The following MAGI1 variants were observed in gnomAD, a reference collection of about 807,000 sequenced individuals.
The protein encoded by MAGI1 is membrane-associated guanylate kinase, WW and PDZ domain-containing protein 1.
Under a neutral mutation model 139.9 loss-of-function variants are expected in MAGI1, and 58 were observed. The observed-to-expected ratio is 0.41, with a 90% CI of 0.34 to 0.52. The LOEUF (loss-of-function observed/expected upper bound fraction) is 0.52, where lower values mean the gene tolerates loss of function less well. Ranked by LOEUF, MAGI1 falls within the 20% of genes least tolerant of loss-of-function variation. The pLI is 0.12. For missense variants in MAGI1, 1,874 were observed against 1,901.6 expected (o/e 0.99, Z 0.27); for synonymous variants, 812 against 737.9 (o/e 1.10, Z -1.63).
rs556692467 is a variant in MAGI1 at position 65,359,979 on chromosome 3, C to T, written c.3634+1220G>A. 8.7e-5 allele frequency: 86 copies of T among 985,256 alleles called. 1 individual carries two copies. The South Asian group carries it at 3.2e-3, about 37-fold the overall frequency. The allele number at this position is 985,256 out of a possible 1,614,324, so 61.0% of individuals were successfully genotyped here. A position where few individuals can be genotyped will look rare whatever the true frequency, so the allele number is the denominator to read the frequency against. ...AGAAGTTCAGTACAGTGCACAGCCA[C>T]GGCATCTTAATGTTGTCAAAATACT... On this transcript the variant is annotated intron_variant, in intron 22 of 22. Coordinates refer to ENST00000402939, the MANE Select transcript of MAGI1 (RefSeq NM_001033057.2).
chr3:66,005,965 C>T (rs1177074000), intron 1 of MAGI1, among the ~76,000 whole-genome samples: 1 of 152,082 alleles, frequency 6.6e-6, no homozygotes, highest in Non-Finnish European at 1.5e-5. Context: ...ACACACTGGG[C>T]CTCGAGTCAG....
Position 65,439,963 on chromosome 3 carries a change from G to A in MAGI1, c.1186C>T (p.Arg396Trp), listed in dbSNP as rs750943411. The A allele has an allele frequency of 8.7e-6, 14 of 1,613,878 alleles. No homozygotes were observed. Among genetic ancestry groups the A allele is most frequent in the South Asian group, 5.5e-5 (5 of 91,084 alleles). Residue 396 changes from arginine to tryptophan, a missense_variant, in exon 9 of 23, where the codon CGG becomes TGG. Arg to Trp is a moderately radical substitution (Grantham distance 101, BLOSUM62 -3). Coordinates refer to ENST00000402939, the MANE Select transcript of MAGI1 (RefSeq NM_001033057.2). Reference sequence around the variant, plus strand: ...TGCTGCTGCTCAAGCTGCTTCTTCCGTTTGGCTTCTAGAACCGGGTTCTCA... The same window carrying A: ...TGCTGCTGCTCAAGCTGCTTCTTCCATTTGGCTTCTAGAACCGGGTTCTCA... ...QYENPVLEAKRKKQLEQQQQQ... is the reference protein window; with the variant it reads ...QYENPVLEAKWKKQLEQQQQQ...
chr3:65,378,801 C>T (rs1301016477), intron 17 of MAGI1, among the ~76,000 whole-genome samples: 2 of 152,010 alleles, frequency 1.3e-5, no homozygotes, highest in Non-Finnish European at 2.9e-5. Context: ...CTTGCCTCAG[C>T]TTCCCAGGTA....
At chr3:65,665,825 C>G (rs545693698) in intron 1 of MAGI1, among the ~76,000 whole-genome samples, 1 of 152,192 alleles carries the variant, frequency 6.6e-6, no homozygotes, top group East Asian at 1.9e-4. Flanking sequence ...ATCCACAGAC[C>G]CATGTTTATG....
chr3:65,806,219 G>A (rs946539365), intron 1 of MAGI1, among the ~76,000 whole-genome samples: 5 of 151,714 alleles, frequency 3.3e-5, no homozygotes, highest in East Asian at 1.9e-4. Flanking sequence ...TCACAAGGTC[G>A]GGAGATCAAG....
intron 1 of MAGI1, among the ~76,000 whole-genome samples, chr3:65,692,187 T>C (rs1328918800): frequency 2.6e-5 from 4 of 152,140 alleles, no homozygotes; most frequent in Non-Finnish European, 5.9e-5. Context: ...ACTCAAGGAA[T>C]AAGCATCATT....
intron 1 of MAGI1, among the ~76,000 whole-genome samples, chr3:65,730,772 A>G (rs1329996170): frequency 6.6e-6 from 1 of 152,228 alleles, no homozygotes; most frequent in African/African-American, 2.4e-5. Flanking sequence ...ACAAATGAAT[A>G]AATGGTCACT....
chr3:65,640,102 C>T (rs2084903816), intron 1 of MAGI1, among the ~76,000 whole-genome samples: 1 of 152,106 alleles, frequency 6.6e-6, no homozygotes, highest in Non-Finnish European at 1.5e-5. Context: ...GTCCACCAGC[C>T]TTCAAACTGG....
At position 65,493,523 on chromosome 3, in the gene MAGI1, C is replaced by T; in HGVS notation, c.539G>A (p.Gly180Asp). 1 of 1,614,162 alleles carries T rather than the reference C, an allele frequency of 6.2e-7. No homozygotes were observed. The highest frequency in any genetic ancestry group is 8.5e-7 in the Non-Finnish European group (1 of 1,180,030). ...LEQSGTLLEVGTYEGNYYGTP... is the reference protein window; with the variant it reads ...LEQSGTLLEVDTYEGNYYGTP... Reference sequence around the variant, plus strand: ...TACAAGTAACTCACCTTCATAGGTGCCGACTTCCAGAAGAGTCCCACTCTG... The same window carrying T: ...TACAAGTAACTCACCTTCATAGGTGTCGACTTCCAGAAGAGTCCCACTCTG... Residue 180 changes from glycine (G) to aspartate (D), a missense_variant, in exon 3 of 23, where the codon GGC (glycine) becomes GAC (aspartate). By Grantham distance (94) the Gly-to-Asp change is moderately conservative. Transcript: ENST00000402939.
At chr3:65,388,964 C>T (rs1266617887) in intron 14 of MAGI1, among the ~76,000 whole-genome samples, 1 of 151,394 alleles carries the variant, frequency 6.6e-6, no homozygotes, top group Non-Finnish European at 1.5e-5. Context: ...CTGCCTCAGC[C>T]TCCCGAGTAG....
intron 1 of MAGI1, among the ~76,000 whole-genome samples, chr3:66,026,191 AT>A (rs1239203763): frequency 6.6e-6 from 1 of 152,144 alleles, no homozygotes; most frequent in Non-Finnish European, 1.5e-5. Context: ...GTAAAATACT[AT>A]TTAAACCAGG....
intron 1 of MAGI1, among the ~76,000 whole-genome samples, chr3:65,683,680 A>ATATG (rs2087762094): frequency 7.0e-6 from 1 of 142,692 alleles, no homozygotes; most frequent in Non-Finnish European, 1.5e-5. Context: ...ATATATATGT[A>ATATG]TGGCAAGCAC....
At chr3:66,000,032 G>A (rs1424613942) in intron 1 of MAGI1, among the ~76,000 whole-genome samples, 1 of 140,852 alleles carries the variant, frequency 7.1e-6, no homozygotes, top group Non-Finnish European at 1.5e-5. Flanking sequence ...GAGTGCAGTG[G>A]CGCGAACTAG....
intron 18 of MAGI1, among the ~76,000 whole-genome samples, chr3:65,369,192 T>C (rs1478504400): frequency 6.6e-6 from 1 of 152,128 alleles, no homozygotes; most frequent in Admixed American, 6.5e-5. Flanking sequence ...TCCCCCAACC[T>C]TGGCCTGACC....
At chr3:65,604,294 T>A (rs1171978988) in intron 2 of MAGI1, among the ~76,000 whole-genome samples, 1 of 152,112 alleles carries the variant, frequency 6.6e-6, no homozygotes, top group African/African-American at 2.4e-5. Flanking sequence ...CATTTGAAGC[T>A]ATGTTGGATT....
At chr3:65,679,158 C>CA (rs149760962) in intron 1 of MAGI1, among the ~76,000 whole-genome samples, 2,878 of 149,168 alleles carry the variant, frequency 0.019, 80 homozygotes, top group African/African-American at 0.066. Flanking sequence ...TTCCTTAGCT[C>CA]AAAAAAAAAC....
In MAGI1 at chr3:65,562,384, T is replaced by C. The variant is rs150591654; in HGVS notation, c.430+59588A>G. 6.9e-4 allele frequency among the ~76,000 whole-genome samples: 105 copies of C among 152,360 alleles called. 1 individual carries two copies. Among genetic ancestry groups the C allele is most frequent in the African/African-American group, 2.4e-3 (98 of 41,594 alleles). On this transcript the variant is annotated intron_variant, in intron 2 of 22. Transcript: ENST00000402939. Reference sequence around the variant, plus strand: ...CATTTTGAATTCTGAAATATTAAAATGTAGAACACTATGCATCTTAGAATT... The same window carrying C: ...CATTTTGAATTCTGAAATATTAAAACGTAGAACACTATGCATCTTAGAATT...
At chr3:65,797,185 GTGC>G (rs762978947) in intron 1 of MAGI1, among the ~76,000 whole-genome samples, 7 of 152,280 alleles carry the variant, frequency 4.6e-5, no homozygotes, top group Non-Finnish European at 1.0e-4. Flanking sequence ...AGTCCAATTA[GTGC>G]AGACAATGTA....
chr3:65,637,453 C>A (rs2107205805), intron 1 of MAGI1, among the ~76,000 whole-genome samples: 1 of 151,792 alleles, frequency 6.6e-6, no homozygotes, highest in Middle Eastern at 3.4e-3. Context: ...ACTTGGGAGG[C>A]TGAGTTGGGA....
Sources: gnomAD v4.1 joint callset for allele counts (sites outside exome capture counted in the v4.1 genomes callset) on GRCh38, gnomAD v4.1.1 for gene constraint, MANE v1.5 for transcripts, NCBI Gene and HGNC (gene_info 2026-07-23, HGNC 2026-07-21) for gene names.